The following SLC24A2 variants were observed in gnomAD, a reference collection of about 807,000 sequenced individuals.
The protein encoded by SLC24A2 is sodium/potassium/calcium exchanger 2.
In SLC24A2, 36 loss-of-function variants were observed where a neutral mutation model predicts 62.0. That is an observed-to-expected ratio of 0.58 (90% CI 0.44 to 0.77). The LOEUF (loss-of-function observed/expected upper bound fraction) is 0.77. Ranked by LOEUF, SLC24A2 falls within the 30% of genes least tolerant of loss-of-function variation. The pLI is 0.00. For missense variants in SLC24A2, 846 were observed against 817.9 expected, an observed-to-expected ratio of 1.03 and a Z score of -0.42; for synonymous variants, 358 against 294.0, an observed-to-expected ratio of 1.22 and a Z score of -2.23.
chr9:19,836,864 A>C, the SLC24A2 span, among the ~76,000 whole-genome samples: 7 of 152,212 alleles, frequency 4.6e-5, no homozygotes, highest in South Asian at 1.2e-3. Flanking sequence ...GCAACACATC[A>C]AAAAGCTTAT....
chr9:20,135,535 C>T, the SLC24A2 span, among the ~76,000 whole-genome samples: 1 of 152,026 alleles, frequency 6.6e-6, no homozygotes, highest in Non-Finnish European at 1.5e-5. Flanking sequence ...ACGATTCTAG[C>T]ACACGAGGTC....
the SLC24A2 span, among the ~76,000 whole-genome samples, chr9:20,224,668 G>A: frequency 0.097 from 14,655 of 151,700 alleles, 751 homozygotes; most frequent in East Asian, 0.14. Context: ...AGAGAAGAGG[G>A]GAGGGGAGGA....
At chr9:19,741,806 C>T (rs1821686795) in intron 2 of SLC24A2, among the ~76,000 whole-genome samples, 1 of 152,154 alleles carries the variant, frequency 6.6e-6, no homozygotes, top group Admixed American at 6.6e-5. Context: ...ATTGAGCATA[C>T]ATTTGTGTAA....
chr9:19,992,853 C>T, the SLC24A2 span, among the ~76,000 whole-genome samples: 2 of 152,198 alleles, frequency 1.3e-5, no homozygotes, highest in Non-Finnish European at 2.9e-5. Context: ...CTGGGAATCC[C>T]TTCCTGGGAA....
the SLC24A2 span, among the ~76,000 whole-genome samples, chr9:19,860,656 A>G: frequency 6.6e-6 from 1 of 152,180 alleles, no homozygotes; most frequent in Admixed American, 6.5e-5. Flanking sequence ...TCTTGATTCC[A>G]GGACTTGGCT....
At chr9:20,024,332 T>C in the SLC24A2 span, among the ~76,000 whole-genome samples, 2 of 152,074 alleles carry the variant, frequency 1.3e-5, no homozygotes, top group East Asian at 1.9e-4. Flanking sequence ...AAATAAACAA[T>C]CAGTGAACTC....
At chr9:19,630,690 A>G (rs1818156268) in intron 2 of SLC24A2, among the ~76,000 whole-genome samples, 1 of 152,206 alleles carries the variant, frequency 6.6e-6, no homozygotes, top group Admixed American at 6.5e-5. Context: ...AAAAATAGAG[A>G]TGCCAGATTT....
chr9:20,182,412 A>G, the SLC24A2 span, among the ~76,000 whole-genome samples: 6 of 152,232 alleles, frequency 3.9e-5, no homozygotes, highest in African/African-American at 9.6e-5. Context: ...TAGACTGGAT[A>G]AAGAAAATGT....
At chr9:19,828,141 T>C in the SLC24A2 span, among the ~76,000 whole-genome samples, 2 of 152,194 alleles carry the variant, frequency 1.3e-5, no homozygotes, top group African/African-American at 4.8e-5. Flanking sequence ...TTGGTATATT[T>C]ATCCTTAACA....
At chr9:19,620,395 C>G (rs759700059) in intron 3 of SLC24A2, among the ~76,000 whole-genome samples, 2 of 152,180 alleles carry the variant, frequency 1.3e-5, no homozygotes, top group Non-Finnish European at 2.9e-5. Flanking sequence ...ATCCAGAAAG[C>G]AGCATAGCTT....
At chr9:19,802,874 TGGGCCTTTAG>T in the SLC24A2 span, among the ~76,000 whole-genome samples, 5 of 152,114 alleles carry the variant, frequency 3.3e-5, no homozygotes, top group Non-Finnish European at 5.9e-5. Context: ...ATTAGGAGAT[TGGGCCTTTAG>T]GGGGTGATCA....
the SLC24A2 span, among the ~76,000 whole-genome samples, chr9:20,286,550 T>G: frequency 6.6e-6 from 1 of 152,226 alleles, no homozygotes; most frequent in South Asian, 2.1e-4. Context: ...CTGTTTACAG[T>G]TCATTAGATT....
chr9:19,761,428 T>A (rs945037404), intron 2 of SLC24A2, among the ~76,000 whole-genome samples: 5 of 152,282 alleles, frequency 3.3e-5, no homozygotes, highest in African/African-American at 9.6e-5. Context: ...GAGCTTTTTT[T>A]CATATGTTTG....
At chr9:20,057,305 T>C in the SLC24A2 span, among the ~76,000 whole-genome samples, 1 of 152,220 alleles carries the variant, frequency 6.6e-6, no homozygotes, top group Non-Finnish European at 1.5e-5. Context: ...CATTCCCTAA[T>C]CTTTTGATGT....
At chr9:20,111,441 C>T in the SLC24A2 span, among the ~76,000 whole-genome samples, 1 of 152,162 alleles carries the variant, frequency 6.6e-6, no homozygotes, top group South Asian at 2.1e-4. Context: ...TCTCTTATTG[C>T]TTTTCTAAAC....
At chr9:19,772,704 G>A (rs951276076) in intron 2 of SLC24A2, among the ~76,000 whole-genome samples, 8 of 152,112 alleles carry the variant, frequency 5.3e-5, no homozygotes, top group East Asian at 1.9e-4. Context: ...AATAACAAAT[G>A]TCGGCAAAGA....
chr9:19,676,198 A>G (rs1819555945), intron 2 of SLC24A2, among the ~76,000 whole-genome samples: 1 of 152,128 alleles, frequency 6.6e-6, no homozygotes, highest in Non-Finnish European at 1.5e-5. Flanking sequence ...TCACACTTTC[A>G]CACTTCAGGC....
intron 2 of SLC24A2, among the ~76,000 whole-genome samples, chr9:19,712,490 G>C (rs1258978859): frequency 1.3e-5 from 2 of 152,140 alleles, no homozygotes; most frequent in Non-Finnish European, 2.9e-5. Flanking sequence ...AAGCCAGCTA[G>C]TTCTCCTTGG....
At chr9:19,627,656 G>C (rs534719036) in intron 2 of SLC24A2, among the ~76,000 whole-genome samples, 1 of 152,212 alleles carries the variant, frequency 6.6e-6, no homozygotes, top group South Asian at 2.1e-4. Context: ...CTCCCAAGTA[G>C]TTGGGTCTGT....
Sources: gnomAD v4.1 joint callset for allele counts (sites outside exome capture counted in the v4.1 genomes callset) on GRCh38, gnomAD v4.1.1 for gene constraint, MANE v1.5 for transcripts, NCBI Gene and HGNC (gene_info 2026-07-23, HGNC 2026-07-21) for gene names.